The following SGSM2 variants were observed in gnomAD, a reference collection of about 807,000 sequenced individuals.
SGSM2 encodes small G protein signaling modulator 2, also known as RUN and TBC1 domain containing 1.
Under a neutral mutation model 126.6 loss-of-function variants are expected in SGSM2, and 89 were observed. That is an observed-to-expected ratio of 0.70 (90% CI 0.59 to 0.84). The LOEUF (loss-of-function observed/expected upper bound fraction) is 0.84, where lower values mean the gene tolerates loss of function less well. SGSM2 is among the 40% of genes least tolerant of loss of function. SGSM2 has a pLI of 0.00. For missense variants in SGSM2, 1,404 were observed against 1,416.6 expected (o/e 0.99, Z 0.14); for synonymous variants, 614 against 574.3 (o/e 1.07, Z -0.99).
At chr17:2,343,698 C>A in intron 2 of SGSM2, 78 bp downstream of exon 2, 1 of 1,268,628 alleles carries the variant, frequency 7.9e-7, no homozygotes, top group Non-Finnish European at 1.1e-6. Flanking sequence ...AAAGATGAGT[C>A]CTCAGGTGCA....
rs888494834 is a variant in SGSM2 at position 2,364,190 on chromosome 17, G to A, written c.932+7G>A. ...ACTCCGAGCTGGAAAAGAGGTGGGG[G>A]CTTTGGGACTCAATCCCAGGAGCCA... On this transcript the variant is annotated splice_region_variant and intron_variant, in intron 8 of 23. Transcript: ENST00000268989. 1.2e-6 allele frequency: 2 copies of A among 1,613,502 alleles called. No homozygotes were observed. Among genetic ancestry groups the A allele is most frequent in the African/African-American group, 2.7e-5 (2 of 74,918 alleles).
chr17:2,376,685 G>A (rs764450448), intron 19 of SGSM2, 48 bp from the exon 20 acceptor site: 107 of 1,595,518 alleles, frequency 6.7e-5, no homozygotes, highest in Middle Eastern at 1.7e-4. Context: ...GATCCCGAGG[G>A]AGGGAAGAAT....
intron 13 of SGSM2, 145 bp downstream of exon 13, chr17:2,371,560 C>A: frequency 1.1e-6 from 1 of 948,358 alleles, no homozygotes; most frequent in Non-Finnish European, 1.5e-6. Flanking sequence ...CTTTTGCTAC[C>A]CACGTGACTT....
chr17:2,372,813 C>T lies in SGSM2; in HGVS notation c.1789-140C>T, dbSNP rs960432293. ...TGAGCTGGGGCACGGGAGGACGTGG[C>T]CACCCCAAAGCAGGCCTTGCCTGGG... On this transcript the variant is annotated intron_variant, in intron 15 of 23. Coordinates refer to ENST00000268989, the MANE Select transcript of SGSM2 (RefSeq NM_014853.3). The surrounding 1 kb of genome is among the most constrained non-coding windows in gnomAD (Gnocchi z 6.0). The T allele has an allele frequency of 9.1e-6, 11 of 1,203,076 alleles. No homozygotes were observed. The highest frequency in any genetic ancestry group is 1.3e-5 in the Non-Finnish European group (11 of 877,666). 74.5% of individuals were successfully genotyped at this position (1,203,076 alleles called of 1,614,324 possible).
intron 1 of SGSM2, among the ~76,000 whole-genome samples, chr17:2,342,108 A>G (rs1293526685): frequency 6.6e-6 from 1 of 152,156 alleles, no homozygotes; most frequent in Non-Finnish European, 1.5e-5. Context: ...GAGTGATTCC[A>G]CTTATAAAAA....
chr17:2,341,316 C>T (rs2064359309), intron 1 of SGSM2, among the ~76,000 whole-genome samples: 1 of 152,144 alleles, frequency 6.6e-6, no homozygotes, highest in Non-Finnish European at 1.5e-5. Flanking sequence ...TGGGGTTTCA[C>T]CATTTTGGTC....
Position 2,379,684 on chromosome 17 carries a change from G to T in SGSM2, c.*164G>T. 1 of 1,432,058 alleles carries T rather than the reference G, an allele frequency of 7.0e-7. No homozygotes were observed. The highest frequency in any genetic ancestry group is 9.2e-7 in the Non-Finnish European group (1 of 1,091,574). The allele number at this position is 1,432,058 out of a possible 1,614,324, so 88.7% of individuals were successfully genotyped here. On this transcript the variant is annotated 3_prime_UTR_variant, in exon 24 of 24. Transcript: ENST00000268989. The stretch of plus-strand genomic sequence containing the variant: ...ACTCCCGGCAGTGCTGACCCTGCAG[G>T]GCAAGTCAGGGGCCAGGATGCCCTC...
chr17:2,375,588 G>T lies in SGSM2; in HGVS notation c.2197G>T (p.Gly733Cys). 6.2e-7 allele frequency: 1 copy of T among 1,613,898 alleles called. No homozygotes were observed. The highest frequency in any genetic ancestry group is 8.5e-7 in the Non-Finnish European group (1 of 1,180,020). Residue 733 changes from glycine to cysteine, a missense_variant, in exon 18 of 24, where the codon GGC becomes TGC. Physicochemically the swap from Gly to Cys is radical, Grantham distance 159. Transcript: ENST00000268989. ...GCAGGAAGCAGGACCCGGGACTCCG[G>T]GCACCGCCGTGGTGGAGCAGCAGCA... ...PEQEAGPGTP[G>C]TAVVEQQHSV...
intron 2 of SGSM2, among the ~76,000 whole-genome samples, chr17:2,360,816 G>A (rs2065277744): frequency 6.6e-6 from 1 of 152,252 alleles, no homozygotes; most frequent in African/African-American, 2.4e-5. Context: ...TCGGGCCGAG[G>A]CTTGGAGCCC....
chr17:2,375,583 C>T lies in SGSM2; in HGVS notation c.2192C>T (p.Thr731Ile). Reference protein sequence around the residue: ...PKPEQEAGPGTPGTAVVEQQH... With the variant: ...PKPEQEAGPGIPGTAVVEQQH... ...CCTGAGCAGGAAGCAGGACCCGGGA[C>T]TCCGGGCACCGCCGTGGTGGAGCAG... Residue 731 changes from threonine (T) to isoleucine (I), a missense_variant, in exon 18 of 24, where the codon ACT (threonine) becomes ATT (isoleucine). Transcript: ENST00000268989. The T allele has an allele frequency of 1.2e-6, 2 of 1,613,916 alleles. No homozygotes were observed. Among genetic ancestry groups the T allele is most frequent in the Non-Finnish European group, 1.7e-6 (2 of 1,180,012 alleles).
In SGSM2 at chr17:2,377,871, GCT is replaced by G; in HGVS notation, c.2818_2819del (p.Leu940ValfsTer2). 6.2e-7 allele frequency: 1 copy of G among 1,610,256 alleles called. No individual in the cohort carries two copies. The highest frequency in any genetic ancestry group is 8.5e-7 in the Non-Finnish European group (1 of 1,176,636). On this transcript the variant is annotated frameshift_variant, in exon 22 of 24. Coordinates refer to ENST00000268989, the MANE Select transcript of SGSM2 (RefSeq NM_014853.3). LOFTEE classifies it high-confidence loss of function. ...RSLIQILDSE[L>X]FELMHQNGDY... Reference sequence around the variant, plus strand: ...ACCCACATAAGATCCTGGACTCAGAGCTGTTTGAGCTGATGCATCAGAATGGA... The same window carrying G: ...ACCCACATAAGATCCTGGACTCAGAGGTTTGAGCTGATGCATCAGAATGGA...
chr17:2,350,929 A>G (rs1014419628), intron 2 of SGSM2, among the ~76,000 whole-genome samples: 1 of 152,200 alleles, frequency 6.6e-6, no homozygotes, highest in Non-Finnish European at 1.5e-5. Flanking sequence ...AGGTTTAGTG[A>G]CTTGACCAAA....
intron 17 of SGSM2, 125 bp downstream of exon 17, chr17:2,373,638 C>A: frequency 1.2e-6 from 1 of 809,682 alleles, no homozygotes; most frequent in Non-Finnish European, 1.9e-6. Flanking sequence ...GCCTAAGGTG[C>A]CTGTGTCTCA....
At chr17:2,339,487 G>A (rs1298496024) in intron 1 of SGSM2, among the ~76,000 whole-genome samples, 5 of 151,708 alleles carry the variant, frequency 3.3e-5, no homozygotes, top group African/African-American at 1.2e-4. Flanking sequence ...CACTTTGGGA[G>A]GCTGGGACGG....
chr17:2,361,900 G>A lies in SGSM2; in HGVS notation c.296+101G>A, dbSNP rs892300739. ...ATCGGAAAGTTGGCATCCTGGGCCT[G>A]TTCCTTGCAGGGCCTCTGGGTGAGG... On this transcript the variant is annotated intron_variant, in intron 3 of 23. Coordinates refer to ENST00000268989, the MANE Select transcript of SGSM2 (RefSeq NM_014853.3). The A allele has an allele frequency of 2.1e-6, 3 of 1,435,526 alleles. No individual in the cohort carries two copies. In the African/African-American group the frequency reaches 4.2e-5, roughly 20 times the overall value. The allele number at this position is 1,435,526 out of a possible 1,614,324, so 88.9% of individuals were successfully genotyped here. A position where few individuals can be genotyped will look rare whatever the true frequency, so the allele number is the denominator to read the frequency against.
intron 2 of SGSM2, among the ~76,000 whole-genome samples, chr17:2,349,655 G>T (rs996233977): frequency 6.6e-6 from 1 of 152,154 alleles, no homozygotes; most frequent in Admixed American, 6.5e-5. Context: ...AGGAAACAAT[G>T]GTTGCAGGCG....
chr17:2,340,671 G>A (rs890142316), intron 1 of SGSM2, among the ~76,000 whole-genome samples: 6 of 151,304 alleles, frequency 4.0e-5, no homozygotes, highest in South Asian at 2.1e-4. Context: ...TGCAAGCTCC[G>A]CCTCCCGGGT....
intron 2 of SGSM2, among the ~76,000 whole-genome samples, chr17:2,346,286 G>A (rs558833306): frequency 1.3e-5 from 2 of 152,280 alleles, no homozygotes; most frequent in Admixed American, 1.3e-4. Flanking sequence ...CTTGTGTACT[G>A]GGCCCCTCAA....
At chr17:2,340,793 C>A (rs755530700) in intron 1 of SGSM2, among the ~76,000 whole-genome samples, 1 of 151,908 alleles carries the variant, frequency 6.6e-6, no homozygotes, top group Non-Finnish European at 1.5e-5. Context: ...ACCATGTTAG[C>A]CAGGATGGTC....
Sources: gnomAD v4.1 joint callset for allele counts (sites outside exome capture counted in the v4.1 genomes callset) on GRCh38, gnomAD v4.1.1 for gene constraint, Gnocchi (gnomAD v3.1) non-coding constraint, MANE v1.5 for transcripts, NCBI Gene and HGNC (gene_info 2026-07-23, HGNC 2026-07-21) for gene names.